POU3F3: variants seen among roughly 807,000 people sequenced by gnomAD.
The protein encoded by POU3F3 is POU domain, class 3, transcription factor 3.
A neutral mutation model predicts 8.6 loss-of-function variants in POU3F3; 1 was observed. The ratio of observed to expected loss-of-function variants is 0.12; its 90% confidence interval spans 0.04 to 0.55. The LOEUF (loss-of-function observed/expected upper bound fraction) is 0.55, where lower values mean the gene tolerates loss of function less well. POU3F3 is among the 20% of genes least tolerant of loss of function. The pLI is 0.91. For missense variants in POU3F3, 577 were observed against 690.7 expected, an observed-to-expected ratio of 0.84 and a Z score of 1.84; for synonymous variants, 418 against 327.4, an observed-to-expected ratio of 1.28 and a Z score of -2.99.
chr2:104,877,396 T>G, the POU3F3 span, among the ~76,000 whole-genome samples: 5 of 152,200 alleles, frequency 3.3e-5, no homozygotes, highest in Admixed American at 2.0e-4. Flanking sequence ...AAATGCCCTT[T>G]CCATCAACCC....
At chr2:104,864,656 T>A in the POU3F3 span, among the ~76,000 whole-genome samples, 1 of 152,240 alleles carries the variant, frequency 6.6e-6, no homozygotes, top group East Asian at 1.9e-4. Context: ...TTCATTTTTC[T>A]TCCTTTGGAA....
At position 104,854,853 on chromosome 2, in the gene POU3F3, A is replaced by AGAG. The variant is rs1443219105; in HGVS notation, c.-654_-652dup. Among the ~76,000 whole-genome samples, 1 of 152,092 alleles carries AGAG rather than the reference A, an allele frequency of 6.6e-6. No individual in the cohort carries two copies. Among genetic ancestry groups the AGAG allele is most frequent in the Non-Finnish European group, 1.5e-5 (1 of 68,000 alleles). ...GAAATGTGTTCCTGAGGAGGAGAGG[A>AGAG]GAGGAGAGGAGAGAGCGGACAAGAG... On this transcript the variant is annotated 5_prime_UTR_variant, in exon 1 of 1. Coordinates refer to ENST00000361360, the MANE Select transcript of POU3F3 (RefSeq NM_006236.3). This position sits in a 1 kb window ranked among gnomAD's most constrained non-coding sequence, Gnocchi z 4.5.
the POU3F3 span, among the ~76,000 whole-genome samples, chr2:104,871,536 T>C: frequency 6.6e-6 from 1 of 152,338 alleles, no homozygotes; most frequent in Admixed American, 6.5e-5. Flanking sequence ...TATTCCTGAT[T>C]CCATTTAGTT....
At chr2:104,919,457 A>T in the POU3F3 span, among the ~76,000 whole-genome samples, 6 of 152,146 alleles carry the variant, frequency 3.9e-5, no homozygotes, top group Admixed American at 3.3e-4. Flanking sequence ...TAGGGGTTGA[A>T]TGTTCACAGG....
At chr2:104,868,218 C>T in the POU3F3 span, 1 of 455,642 alleles carries the variant, frequency 2.2e-6, no homozygotes, top group Non-Finnish European at 4.4e-6. Context: ...GTGGGAGAGG[C>T]GCTGCTCTGG....
chr2:104,870,744 C>T, the POU3F3 span, among the ~76,000 whole-genome samples: 129 of 152,306 alleles, frequency 8.5e-4, 1 homozygote, highest in Non-Finnish European at 1.3e-3. Flanking sequence ...AATTTATTCC[C>T]TTCCTCCCTC....
At chr2:104,878,960 CAT>C in the POU3F3 span, among the ~76,000 whole-genome samples, 2 of 151,942 alleles carry the variant, frequency 1.3e-5, no homozygotes, top group Non-Finnish European at 2.9e-5. Context: ...AAATACAACA[CAT>C]AGCACACTCA....
chr2:104,927,408 G>C, the POU3F3 span, among the ~76,000 whole-genome samples: 1 of 152,078 alleles, frequency 6.6e-6, no homozygotes, highest in Admixed American at 6.5e-5. Context: ...AGGGGGTAGA[G>C]AGAGAAAAGG....
At chr2:104,903,994 T>G in the POU3F3 span, among the ~76,000 whole-genome samples, 6 of 152,198 alleles carry the variant, frequency 3.9e-5, no homozygotes, top group African/African-American at 1.4e-4. Context: ...ATTCAGATTC[T>G]TAGCTGAATG....
the POU3F3 span, among the ~76,000 whole-genome samples, chr2:104,924,569 G>A: frequency 6.6e-6 from 1 of 152,110 alleles, no homozygotes; most frequent in Non-Finnish European, 1.5e-5. Flanking sequence ...CACAACTTTG[G>A]ACTCATATTA....
At chr2:104,868,444 A>G in the POU3F3 span, 1 of 430,108 alleles carries the variant, frequency 2.3e-6, no homozygotes, top group Non-Finnish European at 4.7e-6. Context: ...CTGTTCCCCT[A>G]CTTCTTGGTG....
At chr2:104,876,484 T>C in the POU3F3 span, among the ~76,000 whole-genome samples, 1 of 152,228 alleles carries the variant, frequency 6.6e-6, no homozygotes, top group Admixed American at 6.5e-5. Flanking sequence ...ATGGCTGTAT[T>C]TGCCATTACC....
chr2:104,906,749 G>T, the POU3F3 span, among the ~76,000 whole-genome samples: 1 of 152,104 alleles, frequency 6.6e-6, no homozygotes, highest in East Asian at 1.9e-4. Flanking sequence ...TAGGCATGTT[G>T]TGTTTTTGTT....
At chr2:104,923,008 G>GA in the POU3F3 span, among the ~76,000 whole-genome samples, 3 of 151,640 alleles carry the variant, frequency 2.0e-5, no homozygotes, top group Non-Finnish European at 2.9e-5. Context: ...GTGCTGAAAG[G>GA]AAAAAAAACT....
chr2:104,865,546 A>G, the POU3F3 span: 1 of 152,224 alleles, frequency 6.6e-6, no homozygotes, highest in Non-Finnish European at 1.5e-5. Context: ...GAGACCACAC[A>G]TTAGCTCTGT....
At chr2:104,916,816 C>A in the POU3F3 span, among the ~76,000 whole-genome samples, 2 of 152,174 alleles carry the variant, frequency 1.3e-5, no homozygotes, top group African/African-American at 4.8e-5. Flanking sequence ...GAAGGTTAAT[C>A]TTATGGATCA....
chr2:104,880,531 G>T, the POU3F3 span, among the ~76,000 whole-genome samples: 13 of 152,064 alleles, frequency 8.5e-5, no homozygotes, highest in Non-Finnish European at 1.5e-4. Flanking sequence ...GAGATCCTTG[G>T]CCACATTTGT....
chr2:104,918,271 T>C, the POU3F3 span, among the ~76,000 whole-genome samples: 1 of 152,228 alleles, frequency 6.6e-6, no homozygotes, highest in Non-Finnish European at 1.5e-5. Flanking sequence ...AGAATTCTAT[T>C]CTGGTGACCC....
At chr2:104,917,313 C>A in the POU3F3 span, among the ~76,000 whole-genome samples, 1 of 152,220 alleles carries the variant, frequency 6.6e-6, no homozygotes, top group Non-Finnish European at 1.5e-5. Context: ...AGAACCCTGA[C>A]TAATACAACT....
Sources: gnomAD v4.1 joint callset for allele counts (sites outside exome capture counted in the v4.1 genomes callset) on GRCh38, gnomAD v4.1.1 for gene constraint, Gnocchi (gnomAD v3.1) non-coding constraint, MANE v1.5 for transcripts, NCBI Gene and HGNC (gene_info 2026-07-23, HGNC 2026-07-21) for gene names.